ACSM1: variants seen among roughly 807,000 people sequenced by gnomAD.
ACSM1 encodes the protein acyl-CoA synthetase medium chain family member 1.
A neutral mutation model predicts 75.8 loss-of-function variants in ACSM1; 79 were observed. The ratio of observed to expected loss-of-function variants is 1.04; its 90% CI spans 0.87 to 1.26. The LOEUF (loss-of-function observed/expected upper bound fraction) is 1.26. ACSM1 is among the 50% of genes most tolerant of loss of function. The pLI is 0.00. For missense variants in ACSM1, 676 were observed against 720.1 expected, an observed-to-expected ratio of 0.94 and a Z score of 0.70; for synonymous variants, 279 against 265.8, an observed-to-expected ratio of 1.05 and a Z score of -0.48.
At chr16:20,684,487 C>T (rs988355567) in intron 3 of ACSM1, among the ~76,000 whole-genome samples, 1 of 152,216 alleles carries the variant, frequency 6.6e-6, no homozygotes, top group African/African-American at 2.4e-5. Context: ...CAGAGGAAGA[C>T]ACAACTTTGT....
intron 6 of ACSM1, among the ~76,000 whole-genome samples, chr16:20,667,703 T>TA (rs1429560811): frequency 2.0e-5 from 3 of 152,222 alleles, no homozygotes; most frequent in Non-Finnish European, 4.4e-5. Flanking sequence ...GAGGCTCATA[T>TA]GTTATTGGCA....
In ACSM1 at chr16:20,657,935, A is replaced by C. The variant is rs185986035; in HGVS notation, c.992+3859T>G. ...ATCTATGTCCCTGCAAACGTCATGA[A>C]CTCATCATTTTTTGTGGCTGCATAG... On this transcript the variant is annotated intron_variant, in intron 7 of 13. Coordinates refer to ENST00000520010, the MANE Select transcript of ACSM1 (RefSeq NM_001318890.3). 1.4e-4 allele frequency among the ~76,000 whole-genome samples: 22 copies of C among 152,072 alleles called. No homozygotes were observed. In the East Asian group the frequency reaches 4.3e-3, roughly 29 times the overall value.
chr16:20,626,156 C>T (rs1447566083), intron 11 of ACSM1, among the ~76,000 whole-genome samples: 1 of 151,754 alleles, frequency 6.6e-6, no homozygotes, highest in East Asian at 1.9e-4. Flanking sequence ...GAGGCTGAAA[C>T]AGGGGGATCA....
At chr16:20,658,737 A>G (rs1260238131) in intron 7 of ACSM1, among the ~76,000 whole-genome samples, 1 of 152,210 alleles carries the variant, frequency 6.6e-6, no homozygotes. Flanking sequence ...GATATTGAGG[A>G]ACAGGTGTTT....
At chr16:20,655,348 G>A (rs1304824634) in intron 7 of ACSM1, among the ~76,000 whole-genome samples, 9 of 151,750 alleles carry the variant, frequency 5.9e-5, no homozygotes, top group Middle Eastern at 3.2e-3. Context: ...GTATACATAT[G>A]TAACAAACCT....
intron 4 of ACSM1, chr16:20,681,217 G>A (rs1048947892): frequency 6.6e-6 from 1 of 152,118 alleles, no homozygotes; most frequent in Non-Finnish European, 1.5e-5. Flanking sequence ...TAGATTTATT[G>A]GCAATACAAG....
At chr16:20,624,840 G>A (rs746540117) in intron 12 of ACSM1, among the ~76,000 whole-genome samples, 6 of 151,490 alleles carry the variant, frequency 4.0e-5, no homozygotes, top group South Asian at 2.1e-4. Flanking sequence ...GACTACAGGC[G>A]CCCACCCCCC....
chr16:20,657,467 C>T (rs1461552715), intron 7 of ACSM1, among the ~76,000 whole-genome samples: 1 of 152,080 alleles, frequency 6.6e-6, no homozygotes, highest in Non-Finnish European at 1.5e-5. Context: ...CACGACCACG[C>T]CCAGCTAACT....
Position 20,627,333 on chromosome 16 carries a change from G to A in ACSM1, c.1300-17C>T. 1.3e-6 allele frequency: 2 copies of A among 1,556,616 alleles called. No homozygotes were observed. The highest frequency in any genetic ancestry group is 1.3e-5 in the South Asian group (1 of 79,738). ...TGGGTCACCCTGCAAAAAGAAGAGA[G>A]CTCCTTTGTTGAAGGCAGTGAATTT... is the stretch of plus-strand genomic sequence containing the variant. On this transcript the variant is annotated splice_polypyrimidine_tract_variant and intron_variant, in intron 10 of 13. Transcript: ENST00000520010.
At chr16:20,647,638 C>T (rs1053270396) in intron 7 of ACSM1, among the ~76,000 whole-genome samples, 3 of 151,912 alleles carry the variant, frequency 2.0e-5, no homozygotes, top group African/African-American at 4.8e-5. Context: ...ATTGCCTTCT[C>T]AATTAAAAGA....
In ACSM1 at chr16:20,685,416, ATATAT is replaced by A; in HGVS notation, c.193-18_193-14del. 2 of 1,611,990 alleles carry A rather than the reference ATATAT, an allele frequency of 1.2e-6. No homozygotes were observed. Among genetic ancestry groups the A allele is most frequent in the Non-Finnish European group, 1.7e-6 (2 of 1,178,056 alleles). ...CTCTCTTGCCCTCCTGGTCAAGACC[ATATAT>A]TATGTGTTATTTTCTGCTTCAAAGA... On this transcript the variant is annotated splice_polypyrimidine_tract_variant and intron_variant, in intron 2 of 13. Transcript: ENST00000520010.
At position 20,625,523 on chromosome 16, in the gene ACSM1, C is replaced by T; in HGVS notation, c.1428-1G>A. ...AACCTCTGCAGGCCCGATGCGATAC[C>T]TGGAGGATGAAGGGTTCTGAGGCAG... On this transcript the variant is annotated splice_acceptor_variant, in intron 11 of 13. Transcript: ENST00000520010. LOFTEE classifies it high-confidence loss of function. The T allele has an allele frequency of 6.2e-7, 1 of 1,613,706 alleles. No individual in the cohort carries two copies. Among genetic ancestry groups the T allele is most frequent in the Non-Finnish European group, 8.5e-7 (1 of 1,179,866 alleles).
At chr16:20,672,472 ATATAT>A (rs368383238) in intron 4 of ACSM1, among the ~76,000 whole-genome samples, 9 of 57,648 alleles carry the variant, frequency 1.6e-4, no homozygotes, top group South Asian at 7.1e-4. Context: ...AAAAAAAAAA[ATATAT>A]ATATATATAT....
intron 6 of ACSM1, among the ~76,000 whole-genome samples, chr16:20,668,232 T>C (rs1380082021): frequency 1.3e-5 from 2 of 152,238 alleles, no homozygotes; most frequent in South Asian, 2.1e-4. Flanking sequence ...AAAATTATTA[T>C]GAATAATTCA....
chr16:20,647,213 C>T (rs759599227), intron 7 of ACSM1, among the ~76,000 whole-genome samples: 1 of 152,116 alleles, frequency 6.6e-6, no homozygotes, highest in Non-Finnish European at 1.5e-5. Context: ...ATGTGGATGC[C>T]CTCAAGATGT....
intron 10 of ACSM1, among the ~76,000 whole-genome samples, chr16:20,635,210 C>T (rs2017594428): frequency 6.6e-6 from 1 of 152,050 alleles, no homozygotes; most frequent in Non-Finnish European, 1.5e-5. Flanking sequence ...GTCTGGGCAA[C>T]ATAGTGAGAC....
chr16:20,655,156 C>A (rs917938877), intron 7 of ACSM1, among the ~76,000 whole-genome samples: 1 of 150,030 alleles, frequency 6.7e-6, no homozygotes, highest in Non-Finnish European at 1.5e-5. Context: ...GGACAAAAAA[C>A]CAAACACTGC....
chr16:20,684,254 A>G (rs984752760), intron 3 of ACSM1, among the ~76,000 whole-genome samples: 4 of 152,266 alleles, frequency 2.6e-5, no homozygotes, highest in Admixed American at 1.3e-4. Context: ...GTAAAGAATC[A>G]TCACTAGGTA....
chr16:20,661,805 C>A lies in ACSM1; in HGVS notation c.981G>T (p.Gln327His). Residue 327 changes from glutamine to histidine, a missense_variant, in exon 7 of 14, where the codon CAG becomes CAT. Coordinates refer to ENST00000520010, the MANE Select transcript of ACSM1 (RefSeq NM_001318890.3). ...CACTTCTACCATACCTGGTGAAATCCTGCTGCAGAATCATTCGATATATAG... is the reference window on the plus strand; with the variant it reads ...CACTTCTACCATACCTGGTGAAATCATGCTGCAGAATCATTCGATATATAG... The part of the protein sequence containing the change: ...VSSIYRMILQ[Q>H]DFTSIRFPAL... 1 of 1,609,452 alleles carries A rather than the reference C, an allele frequency of 6.2e-7. No homozygotes were observed. Among genetic ancestry groups the A allele is most frequent in the East Asian group, 2.2e-5 (1 of 44,742 alleles).
Sources: gnomAD v4.1 joint callset for allele counts (sites outside exome capture counted in the v4.1 genomes callset) on GRCh38, gnomAD v4.1.1 for gene constraint, MANE v1.5 for transcripts, NCBI Gene and HGNC (gene_info 2026-07-23, HGNC 2026-07-21) for gene names.